Variants in CLSTN2 observed in about 807,000 individuals in gnomAD.
CLSTN2 encodes the protein calsyntenin-2.
Under a neutral mutation model 101.2 loss-of-function variants are expected in CLSTN2, and 48 were observed. The observed-to-expected ratio is 0.47, with a 90% confidence interval of 0.38 to 0.60. The LOEUF (loss-of-function observed/expected upper bound fraction) is 0.60, where lower values mean the gene tolerates loss of function less well. CLSTN2 is among the 20% of genes least tolerant of loss of function. CLSTN2 has a pLI of 0.00. For synonymous variants in CLSTN2, 481 were observed against 463.6 expected, an observed-to-expected ratio of 1.04 and a Z score of -0.48; for missense variants, 1,160 against 1,238.2, an observed-to-expected ratio of 0.94 and a Z score of 0.95.
intron 1 of CLSTN2, among the ~76,000 whole-genome samples, chr3:140,079,279 T>C (rs965763381): frequency 6.6e-6 from 1 of 152,032 alleles, no homozygotes; most frequent in Non-Finnish European, 1.5e-5. Flanking sequence ...CAAGAAAGAG[T>C]TGTATGGTGT....
chr3:140,327,089 G>A (rs2087339119), intron 2 of CLSTN2, among the ~76,000 whole-genome samples: 1 of 152,100 alleles, frequency 6.6e-6, no homozygotes, highest in Non-Finnish European at 1.5e-5. Flanking sequence ...AAACAATGCT[G>A]GAAAGAAGAC....
chr3:140,104,134 A>T (rs1222733755), intron 1 of CLSTN2, among the ~76,000 whole-genome samples: 1 of 152,218 alleles, frequency 6.6e-6, no homozygotes, highest in Admixed American at 6.5e-5. Flanking sequence ...ACTATCATGC[A>T]GTTAGTGAGG....
intron 2 of CLSTN2, among the ~76,000 whole-genome samples, chr3:140,328,539 G>A (rs1272494864): frequency 6.6e-6 from 1 of 152,162 alleles, no homozygotes; most frequent in Non-Finnish European, 1.5e-5. Context: ...ATACAAACAC[G>A]ATGGAAAGAA....
chr3:140,345,600 ATTTTTT>A (rs35828839), intron 2 of CLSTN2, among the ~76,000 whole-genome samples: 9 of 121,130 alleles, frequency 7.4e-5, no homozygotes, highest in African/African-American at 1.9e-4. Context: ...TATGTGTGGA[ATTTTTT>A]TTTTTTTTTT....
At chr3:140,324,613 CAT>C (rs1265218823) in intron 2 of CLSTN2, among the ~76,000 whole-genome samples, 1 of 152,170 alleles carries the variant, frequency 6.6e-6, no homozygotes, top group Non-Finnish European at 1.5e-5. Context: ...GTATGATTCA[CAT>C]GTTTACTTTT....
intron 1 of CLSTN2, among the ~76,000 whole-genome samples, chr3:140,024,576 G>A (rs1210058148): frequency 1.3e-5 from 2 of 152,220 alleles, no homozygotes; most frequent in African/African-American, 4.8e-5. Context: ...ACACCCTGCA[G>A]CTCAGGCTGC....
At chr3:139,947,149 G>A (rs1361259527) in intron 1 of CLSTN2, among the ~76,000 whole-genome samples, 1 of 152,120 alleles carries the variant, frequency 6.6e-6, no homozygotes, top group African/African-American at 2.4e-5. Context: ...ACCTACCAAG[G>A]GCAATGGCTA....
intron 9 of CLSTN2, among the ~76,000 whole-genome samples, chr3:140,535,697 T>G (rs1024976653): frequency 1.3e-5 from 2 of 152,184 alleles, no homozygotes; most frequent in African/African-American, 4.8e-5. Flanking sequence ...ACACATGGGG[T>G]GTTCACAGTT....
chr3:140,442,634 T>C (rs1192570322), intron 5 of CLSTN2, among the ~76,000 whole-genome samples: 3 of 152,168 alleles, frequency 2.0e-5, no homozygotes, highest in African/African-American at 4.8e-5. Flanking sequence ...GACACCTGCA[T>C]GGATTGATCG....
intron 8 of CLSTN2, among the ~76,000 whole-genome samples, chr3:140,485,285 G>A (rs906576482): frequency 6.6e-6 from 1 of 152,214 alleles, no homozygotes; most frequent in Non-Finnish European, 1.5e-5. Flanking sequence ...TTGGTGAACA[G>A]CAAATGTTGC....
intron 1 of CLSTN2, among the ~76,000 whole-genome samples, chr3:140,082,839 C>T (rs1022899672): frequency 1.4e-4 from 21 of 152,328 alleles, no homozygotes; most frequent in Middle Eastern, 3.4e-3. Flanking sequence ...AGTGAACTCA[C>T]ACCTCAGGCT....
At chr3:139,964,045 C>T (rs144657853) in intron 1 of CLSTN2, among the ~76,000 whole-genome samples, 134 of 152,264 alleles carry the variant, frequency 8.8e-4, no homozygotes, top group African/African-American at 3.1e-3. Flanking sequence ...CTCACACCAC[C>T]GTTTGTGTCT....
At chr3:140,240,533 T>A (rs2086458319) in intron 2 of CLSTN2, among the ~76,000 whole-genome samples, 1 of 151,952 alleles carries the variant, frequency 6.6e-6, no homozygotes, top group Admixed American at 6.6e-5. Context: ...GATGACCATG[T>A]GATAATACCA....
At chr3:140,008,417 C>T (rs1330300228) in intron 1 of CLSTN2, among the ~76,000 whole-genome samples, 1 of 152,238 alleles carries the variant, frequency 6.6e-6, no homozygotes, top group Non-Finnish European at 1.5e-5. Flanking sequence ...GCTGTGAACA[C>T]CTTCCATACT....
intron 1 of CLSTN2, among the ~76,000 whole-genome samples, chr3:140,066,051 C>G (rs1276430402): frequency 6.6e-6 from 1 of 152,192 alleles, no homozygotes; most frequent in Non-Finnish European, 1.5e-5. Context: ...GTAACTGAAG[C>G]TTTACGCAAT....
Position 140,404,643 on chromosome 3 carries a change from G to A in CLSTN2, c.514G>A (p.Gly172Ser), listed in dbSNP as rs2088282571. The change falls in exon 4 of 17, where the codon GGC becomes AGC. Residue 172 changes from glycine to serine, a missense_variant. Transcript: ENST00000458420. ...AGCCTACAAGGCTGTTGTGACGGAGGGCAAGATCTATGACAGCATTCTGCA... is the reference window on the plus strand; with the variant it reads ...AGCCTACAAGGCTGTTGTGACGGAGAGCAAGATCTATGACAGCATTCTGCA... The part of the protein sequence containing the change: ...EPAYKAVVTE[G>S]KIYDSILQVE... 4 of 1,614,088 alleles carry A rather than the reference G, an allele frequency of 2.5e-6. No individual in the cohort carries two copies. The Admixed American group carries it at 5.0e-5, about 20-fold the overall frequency.
chr3:140,494,288 T>C (rs977316457), intron 8 of CLSTN2, among the ~76,000 whole-genome samples: 1 of 152,120 alleles, frequency 6.6e-6, no homozygotes, highest in Admixed American at 6.5e-5. Context: ...AGTGCAAAAG[T>C]TTATGACGTT....
At chr3:140,238,304 A>T (rs2086433365) in intron 2 of CLSTN2, among the ~76,000 whole-genome samples, 1 of 152,106 alleles carries the variant, frequency 6.6e-6, no homozygotes, top group South Asian at 2.1e-4. Flanking sequence ...AGCACAAACC[A>T]TTTACCCAAA....
chr3:140,496,303 C>A (rs1224099836), intron 8 of CLSTN2, among the ~76,000 whole-genome samples: 4 of 152,086 alleles, frequency 2.6e-5, no homozygotes, highest in Admixed American at 2.6e-4. Flanking sequence ...GTGATTTTTG[C>A]ACATTGATTT....
Sources: allele counts gnomAD v4.1 joint callset (sites outside exome capture counted in the v4.1 genomes callset), GRCh38; gene constraint gnomAD v4.1.1; transcripts MANE v1.5; gene names NCBI Gene and HGNC (gene_info 2026-07-23, HGNC 2026-07-21).